The following H2BC11 variants were observed in gnomAD, a reference collection of about 807,000 sequenced individuals.
H2BC11 encodes histone H2B type 1-J.
Under a neutral mutation model 6.0 loss-of-function variants are expected in H2BC11, and 7 were observed. The ratio of observed to expected loss-of-function variants is 1.16; its 90% CI spans 0.66 to 2.19. The LOEUF (loss-of-function observed/expected upper bound fraction) is 2.19, where lower values mean the gene tolerates loss of function less well. H2BC11 is among the 30% of genes most tolerant of loss of function. The pLI, the probability that H2BC11 is intolerant of heterozygous loss-of-function variation, is 0.00. For missense variants in H2BC11, 215 were observed against 170.3 expected (o/e 1.26, Z -1.46); for synonymous variants, 127 against 72.0 (o/e 1.77, Z -3.87).
rs1581428415 is a variant in H2BC11, at chr6:27,132,511, G to A, written c.240C>T (p.Arg80=). ...TCGAGCGCTTGTTGTAATGCGCCAG[G>A]CGGGAAGCCTCACCTGCGATGCGCT... The part of the protein sequence containing the change: ...IFERIAGEAS[R]LAHYNKRSTI... The change falls in exon 1 of 1, where the codon CGC becomes CGT. Residue 80 remains arginine, a synonymous_variant. Transcript: ENST00000339812. 1.9e-6 allele frequency: 3 copies of A among 1,614,262 alleles called. No individual in the cohort carries two copies. Among genetic ancestry groups the A allele is most frequent in the Middle Eastern group, 1.6e-4 (1 of 6,062 alleles).
Position 27,132,746 on chromosome 6 carries a change from G to A in H2BC11, c.5C>T (p.Pro2Leu), listed in dbSNP as rs768243833. 11 of 1,613,820 alleles carry A rather than the reference G, an allele frequency of 6.8e-6. No individual in the cohort carries two copies. Among genetic ancestry groups the A allele is most frequent in the African/African-American group, 1.3e-5 (1 of 74,958 alleles). Residue 2 changes from proline to leucine, a missense_variant, in exon 1 of 1, where the codon CCA becomes CTA. Transcript: ENST00000339812. ...GGCGGGAGCAGACTTCGCTGGCTCT[G>A]GCATAGCACTGTGTAGCTATAAAGC... MPEPAKSAPAPK... is the reference protein window; with the variant it reads MLEPAKSAPAPK...
At position 27,132,569 on chromosome 6, in the gene H2BC11, C is replaced by T. The variant is rs2113635965; in HGVS notation, c.182G>A (p.Gly61Asp). The T allele has an allele frequency of 1.2e-6, 2 of 1,614,214 alleles. No homozygotes were observed. The highest frequency in any genetic ancestry group is 2.2e-5 in the East Asian group (1 of 44,882). The change falls in exon 1 of 1, where the codon GGC (glycine) becomes GAC (aspartate). Residue 61 changes from glycine (G) to aspartate (D), a missense_variant. Coordinates refer to ENST00000339812, the MANE Select transcript of H2BC11 (RefSeq NM_021058.4). ...GTCGTTCACAAACGAATTCATGATG[C>T]CCATGGCCTTGGACGAAATGCCGGT... The part of the protein sequence containing the change: ...PDTGISSKAM[G>D]IMNSFVNDIF...
Position 27,132,481 on chromosome 6 carries a change from G to A in H2BC11, c.270C>T (p.Ile90=), listed in dbSNP as rs1451934257. Residue 90 remains isoleucine (I), a synonymous_variant, in exon 1 of 1, where the codon ATC becomes ATT. Transcript: ENST00000339812. ...CGGCCGTCTGGATCTCCCTGGAGGT[G>A]ATGGTCGAGCGCTTGTTGTAATGCG... is the stretch of plus-strand genomic sequence containing the variant. The part of the protein sequence containing the change: ...RLAHYNKRST[I]TSREIQTAVR... The A allele has an allele frequency of 3.1e-6, 5 of 1,614,252 alleles. No individual in the cohort carries two copies. The highest frequency in any genetic ancestry group is 3.4e-6 in the Non-Finnish European group (4 of 1,180,054).
rs151166771 is a variant in H2BC11, at chr6:27,132,568, G to A, written c.183C>T (p.Gly61=). The part of the protein sequence containing the change: ...PDTGISSKAM[G]IMNSFVNDIF... ...TGTCGTTCACAAACGAATTCATGAT[G>A]CCCATGGCCTTGGACGAAATGCCGG... The change falls in exon 1 of 1, where the codon GGC becomes GGT. Residue 61 remains glycine, a synonymous_variant. Coordinates refer to ENST00000339812, the MANE Select transcript of H2BC11 (RefSeq NM_021058.4). 17 of 1,614,114 alleles carry A rather than the reference G, an allele frequency of 1.1e-5. No individual in the cohort carries two copies. The highest frequency in any genetic ancestry group is 1.6e-4 in the Middle Eastern group (1 of 6,084).
Position 27,132,751 on chromosome 6 carries a change from A to T in H2BC11, c.-1T>A, listed in dbSNP as rs1274440652. ...GAGCAGACTTCGCTGGCTCTGGCATAGCACTGTGTAGCTATAAAGCGCCAA... is the reference window on the plus strand; with the variant it reads ...GAGCAGACTTCGCTGGCTCTGGCATTGCACTGTGTAGCTATAAAGCGCCAA... On this transcript the variant is annotated 5_prime_UTR_variant, in exon 1 of 1. Coordinates refer to ENST00000339812, the MANE Select transcript of H2BC11 (RefSeq NM_021058.4). 3.7e-6 allele frequency: 6 copies of T among 1,612,336 alleles called. No homozygotes were observed. The highest frequency in any genetic ancestry group is 5.1e-6 in the Non-Finnish European group (6 of 1,179,616).
Position 27,132,653 on chromosome 6 carries a change from C to A in H2BC11, c.98G>T (p.Ser33Ile). The stretch of plus-strand genomic sequence containing the variant: ...ATAGATGGAATAGCTCTCCTTGCGG[C>A]TGCGCTTGCGCTTCTTGCCGTCTTT... The part of the protein sequence containing the change: ...QKKDGKKRKR[S>I]RKESYSIYVY... The change falls in exon 1 of 1, where the codon AGC (serine) becomes ATC (isoleucine). Residue 33 changes from serine to isoleucine, a missense_variant. By Grantham distance (142) the Ser-to-Ile change is moderately radical (BLOSUM62 -2). Coordinates refer to ENST00000339812, the MANE Select transcript of H2BC11 (RefSeq NM_021058.4). The A allele has an allele frequency of 6.2e-7, 1 of 1,614,256 alleles. No homozygotes were observed. Among genetic ancestry groups the A allele is most frequent in the Non-Finnish European group, 8.5e-7 (1 of 1,180,052 alleles).
Position 27,132,725 on chromosome 6 carries a change from G to A in H2BC11, c.26C>T (p.Pro9Leu), listed in dbSNP as rs1020750529. Residue 9 changes from proline to leucine, a missense_variant, in exon 1 of 1, where the codon CCC becomes CTC. Pro to Leu is a moderately conservative substitution (Grantham distance 98). Transcript: ENST00000339812. Reference protein sequence around the residue: MPEPAKSAPAPKKGSKKAV... With the variant: MPEPAKSALAPKKGSKKAV... The stretch of plus-strand genomic sequence containing the variant: ...CTTCTTGGAGCCCTTTTTCGGGGCG[G>A]GAGCAGACTTCGCTGGCTCTGGCAT... 6.2e-7 allele frequency: 1 copy of A among 1,614,100 alleles called. No homozygotes were observed. Among genetic ancestry groups the A allele is most frequent in the African/African-American group, 1.3e-5 (1 of 75,026 alleles).
chr6:27,132,745 T>C lies in H2BC11; in HGVS notation c.6A>G (p.Pro2=). 5 of 1,614,012 alleles carry C rather than the reference T, an allele frequency of 3.1e-6. No homozygotes were observed. The highest frequency in any genetic ancestry group is 3.4e-6 in the Non-Finnish European group (4 of 1,179,996). The part of the protein sequence containing the change: M[P]EPAKSAPAPK... ...GGGCGGGAGCAGACTTCGCTGGCTC[T>C]GGCATAGCACTGTGTAGCTATAAAG... The change falls in exon 1 of 1, where the codon CCA becomes CCG. Residue 2 remains proline, a synonymous_variant. Transcript: ENST00000339812.
Position 27,132,356 on chromosome 6 carries a change from A to T in H2BC11, c.*14T>A. The stretch of plus-strand genomic sequence containing the variant: ...AGAGCCGTTAGGGTTGAGAGTTTGC[A>T]ACCAACTCACTGTTTACTTAGCGCT... On this transcript the variant is annotated 3_prime_UTR_variant, in exon 1 of 1. Coordinates refer to ENST00000339812, the MANE Select transcript of H2BC11 (RefSeq NM_021058.4). 1 of 1,614,018 alleles carries T rather than the reference A, an allele frequency of 6.2e-7. No homozygotes were observed. The highest frequency in any genetic ancestry group is 8.5e-7 in the Non-Finnish European group (1 of 1,179,956).
At position 27,132,563 on chromosome 6, in the gene H2BC11, A is replaced by G. The variant is rs753274314; in HGVS notation, c.188T>C (p.Met63Thr). Reference protein sequence around the residue: ...TGISSKAMGIMNSFVNDIFER... With the variant: ...TGISSKAMGITNSFVNDIFER... ...GAAAATGTCGTTCACAAACGAATTC[A>G]TGATGCCCATGGCCTTGGACGAAAT... The change falls in exon 1 of 1, where the codon ATG becomes ACG. Residue 63 changes from methionine to threonine, a missense_variant. By Grantham distance (81) the Met-to-Thr change is moderately conservative. Transcript: ENST00000339812. The G allele has an allele frequency of 1.2e-6, 2 of 1,614,134 alleles. No individual in the cohort carries two copies. Among genetic ancestry groups the G allele is most frequent in the Non-Finnish European group, 1.7e-6 (2 of 1,180,048 alleles).
chr6:27,132,709 G>GC lies in H2BC11; in HGVS notation c.41dup (p.Ser15LeufsTer7), dbSNP rs1759860592. On this transcript the variant is annotated frameshift_variant, in exon 1 of 1. Transcript: ENST00000339812. LOFTEE classifies it high-confidence loss of function. ...GCGCCTTAGTCACCGCCTTCTTGGA[G>GC]CCCTTTTTCGGGGCGGGAGCAGACT... 1 of 1,614,172 alleles carries GC rather than the reference G, an allele frequency of 6.2e-7. No homozygotes were observed. The highest frequency in any genetic ancestry group is 1.1e-5 in the South Asian group (1 of 91,080).
In H2BC11 at chr6:27,132,567, T is replaced by C. The variant is rs116071754; in HGVS notation, c.184A>G (p.Ile62Val). 1.1e-5 allele frequency: 17 copies of C among 1,614,246 alleles called. 1 individual carries two copies. The highest frequency in any genetic ancestry group is 1.7e-5 in the Admixed American group (1 of 60,032). Residue 62 changes from isoleucine (I) to valine (V), a missense_variant, in exon 1 of 1, where the codon ATC (isoleucine) becomes GTC (valine). Ile to Val is a conservative substitution (Grantham distance 29). Transcript: ENST00000339812. ...DTGISSKAMG[I>V]MNSFVNDIFE... ...ATGTCGTTCACAAACGAATTCATGA[T>C]GCCCATGGCCTTGGACGAAATGCCG...
Position 27,132,620 on chromosome 6 carries a change from T to C in H2BC11, c.131A>G (p.Lys44Arg), listed in dbSNP as rs1226545798. ...GTCAGGGTGGACCTGCTTCAGAACC[T>C]TGTACACATAGATGGAATAGCTCTC... ...RKESYSIYVYKVLKQVHPDTG... is the reference protein window; with the variant it reads ...RKESYSIYVYRVLKQVHPDTG... Residue 44 changes from lysine to arginine, a missense_variant, in exon 1 of 1, where the codon AAG becomes AGG. Transcript: ENST00000339812. The C allele has an allele frequency of 1.7e-5, 28 of 1,614,082 alleles. No homozygotes were observed. Among genetic ancestry groups the C allele is most frequent in the Non-Finnish European group, 2.4e-5 (28 of 1,180,040 alleles).
chr6:27,132,708 A>G lies in H2BC11; in HGVS notation c.43T>C (p.Ser15Pro), dbSNP rs184989736. 2 of 1,614,110 alleles carry G rather than the reference A, an allele frequency of 1.2e-6. No individual in the cohort carries two copies. The highest frequency in any genetic ancestry group is 2.2e-5 in the East Asian group (1 of 44,886). Residue 15 changes from serine to proline, a missense_variant, in exon 1 of 1, where the codon TCC (serine) becomes CCC (proline). Coordinates refer to ENST00000339812, the MANE Select transcript of H2BC11 (RefSeq NM_021058.4). ...AKSAPAPKKG[S>P]KKAVTKAQKK... Reference sequence around the variant, plus strand: ...TGCGCCTTAGTCACCGCCTTCTTGGAGCCCTTTTTCGGGGCGGGAGCAGAC... The same window carrying G: ...TGCGCCTTAGTCACCGCCTTCTTGGGGCCCTTTTTCGGGGCGGGAGCAGAC...
In H2BC11 at chr6:27,132,737, G is replaced by C. The variant is rs189027890; in HGVS notation, c.14C>G (p.Ala5Gly). 3 of 1,614,008 alleles carry C rather than the reference G, an allele frequency of 1.9e-6. No homozygotes were observed. The highest frequency in any genetic ancestry group is 2.5e-6 in the Non-Finnish European group (3 of 1,179,992). Reference protein sequence around the residue: MPEPAKSAPAPKKGS... With the variant: MPEPGKSAPAPKKGS... ...CTTTTTCGGGGCGGGAGCAGACTTC[G>C]CTGGCTCTGGCATAGCACTGTGTAG... Residue 5 changes from alanine (A) to glycine (G), a missense_variant, in exon 1 of 1, where the codon GCG becomes GGG. Transcript: ENST00000339812.
rs200758184 is a variant in H2BC11 at position 27,132,649 on chromosome 6, G to A, written c.102C>T (p.Arg34=). The A allele has an allele frequency of 1.7e-5, 28 of 1,614,240 alleles. No homozygotes were observed. Among genetic ancestry groups the A allele is most frequent in the South Asian group, 5.5e-5 (5 of 91,082 alleles). Residue 34 remains arginine (R), a synonymous_variant, in exon 1 of 1, where the codon CGC becomes CGT. Transcript: ENST00000339812. The stretch of plus-strand genomic sequence containing the variant: ...ACACATAGATGGAATAGCTCTCCTT[G>A]CGGCTGCGCTTGCGCTTCTTGCCGT... ...KKDGKKRKRS[R]KESYSIYVYK... is the part of the protein sequence containing the mutation.
rs1248151136 is a variant in H2BC11, at chr6:27,132,389, T to A, written c.362A>T (p.Lys121Met). 1 of 1,614,086 alleles carries A rather than the reference T, an allele frequency of 6.2e-7. No homozygotes were observed. Among genetic ancestry groups the A allele is most frequent in the African/African-American group, 1.3e-5 (1 of 74,928 alleles). The stretch of plus-strand genomic sequence containing the variant: ...CACTGTTTACTTAGCGCTGGTGTAC[T>A]TGGTGACGGCCTTAGTACCCTCGGA... Reference protein sequence around the residue: ...AVSEGTKAVTKYTSAK With the variant: ...AVSEGTKAVTMYTSAK Residue 121 changes from lysine (K) to methionine (M), a missense_variant, in exon 1 of 1, where the codon AAG becomes ATG. By Grantham distance (95) the Lys-to-Met change is moderately conservative (BLOSUM62 -1). Coordinates refer to ENST00000339812, the MANE Select transcript of H2BC11 (RefSeq NM_021058.4).
At position 27,132,713 on chromosome 6, in the gene H2BC11, T is replaced by TG; in HGVS notation, c.37_38insC (p.Lys13ThrfsTer9). On this transcript the variant is annotated frameshift_variant, in exon 1 of 1. Coordinates refer to ENST00000339812, the MANE Select transcript of H2BC11 (RefSeq NM_021058.4). LOFTEE classifies it high-confidence loss of function. ...CTTAGTCACCGCCTTCTTGGAGCCCTTTTTCGGGGCGGGAGCAGACTTCGC... is the reference window on the plus strand; with the variant it reads ...CTTAGTCACCGCCTTCTTGGAGCCCTGTTTTCGGGGCGGGAGCAGACTTCGC... 1 of 1,613,990 alleles carries TG rather than the reference T, an allele frequency of 6.2e-7. No individual in the cohort carries two copies.
In H2BC11 at chr6:27,132,412, G is replaced by C; in HGVS notation, c.339C>G (p.Ser113=). 1 of 1,614,130 alleles carries C rather than the reference G, an allele frequency of 6.2e-7. No homozygotes were observed. The highest frequency in any genetic ancestry group is 2.2e-5 in the East Asian group (1 of 44,872). ...ACTTGGTGACGGCCTTAGTACCCTC[G>C]GACACGGCGTGCTTGGCCAACTCCC... ...LPGELAKHAV[S]EGTKAVTKYT... Residue 113 remains serine, a synonymous_variant, in exon 1 of 1, where the codon TCC becomes TCG. Transcript: ENST00000339812.
Sources: allele counts gnomAD v4.1 joint callset, GRCh38; gene constraint gnomAD v4.1.1; transcripts MANE v1.5; gene names NCBI Gene and HGNC (gene_info 2026-07-23, HGNC 2026-07-21).